The following SPNS3 variants were observed in gnomAD, a reference collection of about 807,000 sequenced individuals.
The protein encoded by SPNS3 is SPNS lysolipid transporter 3, sphingosine-1-phosphate (putative).
SPNS3 carries 51 observed loss-of-function variants against 54.4 expected under a neutral mutation model. That is an observed-to-expected ratio of 0.94 (90% CI 0.75 to 1.18). The LOEUF is 1.18. Ranked by LOEUF, SPNS3 falls within the 50% of genes most tolerant of loss-of-function variation. The pLI is 0.00. For synonymous variants in SPNS3, 309 were observed against 294.7 expected (o/e 1.05, Z -0.50); for missense variants, 669 against 677.4 (o/e 0.99, Z 0.14).
intron 8 of SPNS3, among the ~76,000 whole-genome samples, chr17:4,468,737 C>CTTTCTTTCTTTA: frequency 7.1e-6 from 1 of 140,550 alleles, no homozygotes; most frequent in Non-Finnish European, 1.5e-5. Context: ...TTCTTTCTTT[C>CTTTCTTTCTTTA]TTTCTTTCTT....
At position 4,449,427 on chromosome 17, in the gene SPNS3, G is replaced by A. The variant is rs774241983; in HGVS notation, c.923+40G>A. ...GGGCCCTGGGCACCTGGCCCGGCTC[G>A]GGGGCTCTTGCTGAGGAAGTTCTGA... is the stretch of plus-strand genomic sequence containing the variant. On this transcript the variant is annotated intron_variant, in intron 7 of 11. Transcript: ENST00000355530. 11 of 1,538,584 alleles carry A rather than the reference G, an allele frequency of 7.1e-6. No homozygotes were observed. The East Asian group carries it at 9.2e-5, about 13-fold the overall frequency.
intron 1 of SPNS3, among the ~76,000 whole-genome samples, chr17:4,438,346 C>A (rs1970766366): frequency 6.6e-6 from 1 of 152,198 alleles, no homozygotes; most frequent in South Asian, 2.1e-4. Flanking sequence ...AGAATGGGGG[C>A]AATGACAGTC....
rs138293927 is a variant in SPNS3, at chr17:4,487,732, G to A, written c.1451-74G>A. On this transcript the variant is annotated intron_variant, in intron 11 of 11. Coordinates refer to ENST00000355530, the MANE Select transcript of SPNS3 (RefSeq NM_182538.5). The stretch of plus-strand genomic sequence containing the variant: ...GACAGAGAGGATTTCCTGACAGCCC[G>A]TGCCCAGGCCCAGGCCTGGTCCCAA... 9,611 of 1,360,690 alleles carry A rather than the reference G, an allele frequency of 7.1e-3. 58 individuals carry two copies. Among genetic ancestry groups the A allele is most frequent in the Middle Eastern group, 0.024 (129 of 5,472 alleles). 84.3% of individuals were successfully genotyped at this position (1,360,690 alleles called of 1,614,324 possible). A position where few individuals can be genotyped will look rare whatever the true frequency, so the allele number is the denominator to read the frequency against.
intron 8 of SPNS3, among the ~76,000 whole-genome samples, chr17:4,468,721 T>TTTTCTTC (rs1971755088): frequency 8.2e-6 from 1 of 121,372 alleles, no homozygotes; most frequent in African/African-American, 3.2e-5. Context: ...TCTCTCTTTC[T>TTTTCTTC]TTTCTTTCTT....
intron 5 of SPNS3, among the ~76,000 whole-genome samples, chr17:4,447,503 G>T (rs1971030382): frequency 6.6e-6 from 1 of 152,226 alleles, no homozygotes; most frequent in Non-Finnish European, 1.5e-5. Flanking sequence ...CTCAGCCCTG[G>T]GAGTGCAGCT....
Position 4,434,021 on chromosome 17 carries a change from G to C in SPNS3, c.54G>C (p.Gln18His). Reference sequence around the variant, plus strand: ...CTGAGCCTGGGCCAGGAGGTCTGCAGGGCCAGTCCCCAGGGCCAGGCAGGC... The same window carrying C: ...CTGAGCCTGGGCCAGGAGGTCTGCACGGCCAGTCCCCAGGGCCAGGCAGGC... ...ECPEPGPGGL[Q>H]GQSPGPGRQC... Residue 18 changes from glutamine to histidine, a missense_variant, in exon 1 of 12, where the codon CAG becomes CAC. Transcript: ENST00000355530. 6.2e-7 allele frequency: 1 copy of C among 1,602,816 alleles called. No individual in the cohort carries two copies. Among genetic ancestry groups the C allele is most frequent in the Non-Finnish European group, 8.5e-7 (1 of 1,174,466 alleles).
rs1972324125 is a variant in SPNS3 at position 4,486,572 on chromosome 17, A to G, written c.1439A>G (p.Gln480Arg). Residue 480 changes from glutamine to arginine, a missense_variant, in exon 11 of 12, where the codon CAG becomes CGG. Coordinates refer to ENST00000355530, the MANE Select transcript of SPNS3 (RefSeq NM_182538.5). This position sits in a 1 kb window ranked among gnomAD's most constrained non-coding sequence, Gnocchi z 5.5. Reference sequence around the variant, plus strand: ...GAGAGAGACGAGACCCGGGCCTGGCAGCCTGTCACAGGTACCCTACCCATT... The same window carrying G: ...GAGAGAGACGAGACCCGGGCCTGGCGGCCTGTCACAGGTACCCTACCCATT... ...YLERDETRAW[Q>R]PVTGTPDSND... 6.2e-7 allele frequency: 1 copy of G among 1,611,916 alleles called. No homozygotes were observed. The highest frequency in any genetic ancestry group is 1.3e-5 in the African/African-American group (1 of 74,914).
In SPNS3 at chr17:4,445,161, C is replaced by G; in HGVS notation, c.395C>G (p.Ser132Cys). 6.2e-7 allele frequency: 1 copy of G among 1,611,276 alleles called. No homozygotes were observed. Among genetic ancestry groups the G allele is most frequent in the South Asian group, 1.1e-5 (1 of 90,776 alleles). ...GCTGGCCTCTCTAGCTCCTTCATCT[C>G]CCCCCGGGTACGTGTCCATGCCCCT... is the stretch of plus-strand genomic sequence containing the variant. ...SGAGLSSSFI[S>C]PRYSWLFFLS... Residue 132 changes from serine (S) to cysteine (C), a missense_variant, in exon 3 of 12, where the codon TCC becomes TGC. By Grantham distance (112) the Ser-to-Cys change is moderately radical (BLOSUM62 -1). Transcript: ENST00000355530.
At chr17:4,448,653 TG>T (rs1971070099) in intron 6 of SPNS3, among the ~76,000 whole-genome samples, 1 of 152,236 alleles carries the variant, frequency 6.6e-6, no homozygotes, top group African/African-American at 2.4e-5. Context: ...TCCGGGTTGC[TG>T]GGAGGATGCT....
Position 4,458,616 on chromosome 17 carries a change from T to C in SPNS3, c.1113+5411T>C, listed in dbSNP as rs946725326. On this transcript the variant is annotated intron_variant, in intron 8 of 11. Coordinates refer to ENST00000355530, the MANE Select transcript of SPNS3 (RefSeq NM_182538.5). ...TTCTTTCTTTCTTTCTTTCTTTCTT[T>C]CTTTCTTTCTTTCTTTCTTTCTTTC... Among the ~76,000 whole-genome samples the C allele has an allele frequency of 2.7e-4, 31 of 116,350 alleles. 1 individual carries two copies. Among genetic ancestry groups the C allele is most frequent in the African/African-American group, 9.6e-4 (29 of 30,294 alleles). 76.3% of individuals were successfully genotyped at this position (116,350 alleles called of 152,430 possible).
intron 9 of SPNS3, among the ~76,000 whole-genome samples, chr17:4,484,399 G>A (rs1474605031): frequency 6.6e-6 from 1 of 152,246 alleles, no homozygotes; most frequent in East Asian, 1.9e-4. Flanking sequence ...CGGCTCACTA[G>A]AACCTCCACC....
chr17:4,453,591 C>T (rs934685238), intron 8 of SPNS3, among the ~76,000 whole-genome samples: 1 of 150,522 alleles, frequency 6.6e-6, no homozygotes, highest in African/African-American at 2.5e-5. Flanking sequence ...GCACTCCAGC[C>T]TGGGCAATGG....
chr17:4,484,670 A>G (rs1209364760), intron 9 of SPNS3, among the ~76,000 whole-genome samples: 1 of 152,022 alleles, frequency 6.6e-6, no homozygotes, highest in Non-Finnish European at 1.5e-5. Context: ...GGTCTTGGGG[A>G]TACGGCTCCA....
intron 8 of SPNS3, among the ~76,000 whole-genome samples, chr17:4,460,184 A>G (rs1425234828): frequency 6.6e-6 from 1 of 152,160 alleles, no homozygotes; most frequent in Non-Finnish European, 1.5e-5. Flanking sequence ...ACGTGAGGAC[A>G]GAGAGATGAT....
At chr17:4,441,125 C>T (rs991142465) in intron 2 of SPNS3, among the ~76,000 whole-genome samples, 11 of 152,136 alleles carry the variant, frequency 7.2e-5, no homozygotes, top group Non-Finnish European at 1.0e-4. Context: ...TACACAACAA[C>T]GCTGGAAATC....
At chr17:4,480,788 C>T (rs1349340384) in intron 9 of SPNS3, among the ~76,000 whole-genome samples, 3 of 151,390 alleles carry the variant, frequency 2.0e-5, no homozygotes, top group Admixed American at 1.3e-4. Flanking sequence ...CTCCCTGTGG[C>T]CCTTCCTTGG....
At chr17:4,458,445 CCCTTCTTTCTT>C (rs1971376268) in intron 8 of SPNS3, among the ~76,000 whole-genome samples, 2 of 95,590 alleles carry the variant, frequency 2.1e-5, no homozygotes, top group African/African-American at 5.6e-5. Context: ...CTCCCTCCCT[CCCTTCTTTCTT>C]CTTTCTTTCT....
chr17:4,487,911 C>A lies in SPNS3; in HGVS notation c.*17C>A. Reference sequence around the variant, plus strand: ...GAGCCCTGAGGTCCCTGCCTACACTCGTCCTGCCTGCAAGCCTCCCGTTGG... The same window carrying A: ...GAGCCCTGAGGTCCCTGCCTACACTAGTCCTGCCTGCAAGCCTCCCGTTGG... On this transcript the variant is annotated 3_prime_UTR_variant, in exon 12 of 12. Coordinates refer to ENST00000355530, the MANE Select transcript of SPNS3 (RefSeq NM_182538.5). 6.2e-7 allele frequency: 1 copy of A among 1,608,698 alleles called. No homozygotes were observed. The highest frequency in any genetic ancestry group is 1.1e-5 in the South Asian group (1 of 90,870).
intron 1 of SPNS3, among the ~76,000 whole-genome samples, chr17:4,438,414 C>T (rs759044179): frequency 8.5e-5 from 13 of 152,330 alleles, no homozygotes; most frequent in Non-Finnish European, 1.9e-4. Context: ...TGTCAGTCAC[C>T]TCCTGACTGA....
Sources: allele counts gnomAD v4.1 joint callset (sites outside exome capture counted in the v4.1 genomes callset), GRCh38; gene constraint gnomAD v4.1.1; non-coding constraint Gnocchi (gnomAD v3.1); transcripts MANE v1.5; gene names NCBI Gene and HGNC (gene_info 2026-07-23, HGNC 2026-07-21).